ZNF804B: variants seen among roughly 807,000 people sequenced by gnomAD.
The protein encoded by ZNF804B is zinc finger protein 804B.
In ZNF804B, 80 loss-of-function variants were observed where a neutral mutation model predicts 101.4. The ratio of observed to expected loss-of-function variants is 0.79; its 90% CI spans 0.66 to 0.95. ZNF804B has a LOEUF of 0.95. ZNF804B is among the 40% of genes least tolerant of loss of function. The pLI, the probability that ZNF804B is intolerant of heterozygous loss-of-function variation, is 0.00. For synonymous variants in ZNF804B, 622 were observed against 558.8 expected, an observed-to-expected ratio of 1.11 and a Z score of -1.59; for missense variants, 1,673 against 1,561.9, an observed-to-expected ratio of 1.07 and a Z score of -1.20.
chr7:89,145,866 T>C (rs185603296), intron 1 of ZNF804B, among the ~76,000 whole-genome samples: 4 of 151,666 alleles, frequency 2.6e-5, no homozygotes, highest in Admixed American at 2.0e-4. Flanking sequence ...GATAAGGAAT[T>C]TAAAAAAAAG....
At chr7:89,071,553 A>G (rs1178900707) in intron 1 of ZNF804B, among the ~76,000 whole-genome samples, 4 of 152,248 alleles carry the variant, frequency 2.6e-5, no homozygotes, top group Admixed American at 2.0e-4. Context: ...AGAACAAACA[A>G]TCACGGGGAT....
intron 1 of ZNF804B, among the ~76,000 whole-genome samples, chr7:89,171,359 C>T (rs10233403): frequency 0.23 from 14,342 of 63,438 alleles, 1,131 homozygotes; most frequent in Middle Eastern, 0.42. Context: ...CTTCTTCTTC[C>T]TCCTCTTCCT....
intron 1 of ZNF804B, among the ~76,000 whole-genome samples, chr7:88,882,664 A>T (rs1792062330): frequency 6.6e-6 from 1 of 152,196 alleles, no homozygotes; most frequent in Non-Finnish European, 1.5e-5. Context: ...AAATGTGGCA[A>T]ATATGCGCCA....
chr7:88,883,828 T>TAGTC (rs34093168), intron 1 of ZNF804B, among the ~76,000 whole-genome samples: 68,113 of 151,466 alleles, frequency 0.45, 16,944 homozygotes, highest in African/African-American at 0.67. Context: ...GTTTAAGTAA[T>TAGTC]AGTGTAGTTA....
intron 3 of ZNF804B, among the ~76,000 whole-genome samples, chr7:89,330,524 A>C (rs1026470234): frequency 6.6e-6 from 1 of 151,702 alleles, no homozygotes; most frequent in Non-Finnish European, 1.5e-5. Context: ...TAAAGCTTTA[A>C]TAATGTTATA....
At chr7:89,045,939 A>C (rs1219011882) in intron 1 of ZNF804B, among the ~76,000 whole-genome samples, 1 of 152,074 alleles carries the variant, frequency 6.6e-6, no homozygotes, top group African/African-American at 2.4e-5. Flanking sequence ...TGGAGGTGGA[A>C]TGATATGGTT....
chr7:88,971,345 A>G (rs1193040668), intron 1 of ZNF804B, among the ~76,000 whole-genome samples: 1 of 151,700 alleles, frequency 6.6e-6, no homozygotes, highest in Non-Finnish European at 1.5e-5. Flanking sequence ...TTTGCCAGGC[A>G]ATAAGAAGAC....
At chr7:89,024,714 G>A (rs1421164656) in intron 1 of ZNF804B, among the ~76,000 whole-genome samples, 2 of 140,850 alleles carry the variant, frequency 1.4e-5, no homozygotes, top group East Asian at 4.3e-4. Flanking sequence ...AGTCCTTTAG[G>A]TTGTCTAGAA....
intron 1 of ZNF804B, among the ~76,000 whole-genome samples, chr7:88,860,737 A>G (rs993587260): frequency 6.6e-6 from 1 of 152,204 alleles, no homozygotes; most frequent in Non-Finnish European, 1.5e-5. Flanking sequence ...ATACAAGAAA[A>G]AAGTTAGGCA....
chr7:88,810,639 G>C (rs1562800194), intron 1 of ZNF804B, among the ~76,000 whole-genome samples: 1 of 151,470 alleles, frequency 6.6e-6, no homozygotes, highest in African/African-American at 2.4e-5. Context: ...CTCTAGCCTG[G>C]GCAGCAGGGC....
intron 1 of ZNF804B, among the ~76,000 whole-genome samples, chr7:89,066,205 T>G (rs1789452497): frequency 6.6e-6 from 1 of 151,912 alleles, no homozygotes; most frequent in African/African-American, 2.4e-5. Flanking sequence ...TGGGACATAT[T>G]GATCACAGTC....
chr7:88,898,174 C>T (rs1206995667), intron 1 of ZNF804B, among the ~76,000 whole-genome samples: 1 of 149,454 alleles, frequency 6.7e-6, no homozygotes, highest in Non-Finnish European at 1.5e-5. Flanking sequence ...GCAAGCTCCG[C>T]CTCCCGGGTT....
At chr7:89,147,039 A>G (rs1325067365) in intron 1 of ZNF804B, among the ~76,000 whole-genome samples, 1 of 151,028 alleles carries the variant, frequency 6.6e-6, no homozygotes, top group Non-Finnish European at 1.5e-5. Flanking sequence ...AACAAACAAA[A>G]AAACCCCAGA....
At chr7:88,991,915 T>G (rs74793231) in intron 1 of ZNF804B, among the ~76,000 whole-genome samples, 3,924 of 152,258 alleles carry the variant, frequency 0.026, 181 homozygotes, top group African/African-American at 0.089. Context: ...TTGAGATAAT[T>G]TTCTAAAATG....
intron 2 of ZNF804B, among the ~76,000 whole-genome samples, chr7:89,271,950 GA>G (rs1284383928): frequency 1.3e-5 from 2 of 151,750 alleles, no homozygotes; most frequent in African/African-American, 2.4e-5. Flanking sequence ...TTTTCTACAT[GA>G]AAAAATTTGT....
intron 1 of ZNF804B, among the ~76,000 whole-genome samples, chr7:88,829,905 T>G (rs1344380931): frequency 1.3e-5 from 2 of 152,164 alleles, no homozygotes; most frequent in Non-Finnish European, 2.9e-5. Context: ...TTAGTCCTCT[T>G]TATTTACCTT....
intron 1 of ZNF804B, among the ~76,000 whole-genome samples, chr7:88,768,575 C>T (rs1246943924): frequency 2.6e-5 from 4 of 152,008 alleles, no homozygotes; most frequent in African/African-American, 7.2e-5. Flanking sequence ...AAAGTTAGCT[C>T]GGCATGGTGG....
chr7:89,293,818 A>T (rs933706168), intron 2 of ZNF804B, among the ~76,000 whole-genome samples: 4 of 152,174 alleles, frequency 2.6e-5, no homozygotes, highest in Non-Finnish European at 5.9e-5. Context: ...AAGAATGCAG[A>T]AATGGAAACA....
intron 1 of ZNF804B, among the ~76,000 whole-genome samples, chr7:88,858,649 A>G (rs898631078): frequency 6.6e-6 from 1 of 152,182 alleles, no homozygotes; most frequent in Non-Finnish European, 1.5e-5. Flanking sequence ...AAGTACAGAC[A>G]TGATTAAAAA....
Sources: allele counts gnomAD v4.1 joint callset (sites outside exome capture counted in the v4.1 genomes callset), GRCh38; gene constraint gnomAD v4.1.1; transcripts MANE v1.5; gene names NCBI Gene and HGNC (gene_info 2026-07-23, HGNC 2026-07-21).